The following AMZ1 variants were observed in gnomAD, a reference collection of about 807,000 sequenced individuals.
AMZ1 encodes archaelysin family metallopeptidase 1, also known as archaemetzincin-1.
Under a neutral mutation model 29.9 loss-of-function variants are expected in AMZ1, and 39 were observed. The ratio of observed to expected loss-of-function variants is 1.30; its 90% CI spans 1.01 to 1.70. AMZ1 has a LOEUF of 1.70. Ranked by LOEUF, AMZ1 falls within the 40% of genes most tolerant of loss-of-function variation. The pLI is 0.00. For missense variants in AMZ1, 1,041 were observed against 680.6 expected (o/e 1.53, Z -5.89); for synonymous variants, 458 against 304.0 (o/e 1.51, Z -5.27).
chr7:2,719,824 G>A (rs1004331991), downstream of AMZ1, among the ~76,000 whole-genome samples: 3 of 151,882 alleles, frequency 2.0e-5, no homozygotes, highest in Admixed American at 2.0e-4. Flanking sequence ...GGGATTACAG[G>A]TGCCTGCCAC....
At chr7:2,699,905 G>T (rs948455447) in intron 1 of AMZ1, among the ~76,000 whole-genome samples, 1 of 152,112 alleles carries the variant, frequency 6.6e-6, no homozygotes, top group African/African-American at 2.4e-5. Flanking sequence ...TTCTGTGGGG[G>T]CCCATGGACA....
intron 4 of AMZ1, among the ~76,000 whole-genome samples, chr7:2,736,521 G>A (rs1790185234): frequency 6.6e-6 from 1 of 152,210 alleles, no homozygotes; most frequent in South Asian, 2.1e-4. Flanking sequence ...GGGGCTGGTG[G>A]CAGTGAAAGA....
chr7:2,709,104 T>G lies in AMZ1; in HGVS notation c.631T>G (p.Ser211Ala), dbSNP rs780370603. 7 of 1,600,920 alleles carry G rather than the reference T, an allele frequency of 4.4e-6. No homozygotes were observed. Among genetic ancestry groups the G allele is most frequent in the Admixed American group, 3.4e-5 (2 of 57,994 alleles). Residue 211 changes from serine to alanine, a missense_variant, in exon 5 of 7, where the codon TCA becomes GCA. Ser to Ala is a moderately conservative substitution (Grantham distance 99). Transcript: ENST00000683327. ...GGGCGTCTGCAGCTTCGCCCGGTTCTCAGGGGAATTCCCGAAGTCGGGGCC... is the reference window on the plus strand; with the variant it reads ...GGGCGTCTGCAGCTTCGCCCGGTTCGCAGGGGAATTCCCGAAGTCGGGGCC... ...EVGVCSFARF[S>A]GEFPKSGPSA...
At chr7:2,687,713 G>GC (rs11423861), upstream of AMZ1, among the ~76,000 whole-genome samples, 151,934 of 152,038 alleles carry the variant, frequency 1, 75,916 homozygotes, top group Middle Eastern at 1. Context: ...CTGGGGCTTC[G>GC]CTGATAAGCC....
Position 2,731,406 on chromosome 7 carries a change from G to T in AMZ1, n.550+21590G>T, listed in dbSNP as rs370891210. 6.2e-7 allele frequency: 1 copy of T among 1,612,914 alleles called. No individual in the cohort carries two copies. Among genetic ancestry groups the T allele is most frequent in the South Asian group, 1.1e-5 (1 of 91,034 alleles). On this transcript the variant is annotated intron_variant and non_coding_transcript_variant, in intron 4 of 4. Coordinates refer to the AMZ1 transcript ENST00000489665. This position sits in a 1 kb window ranked among gnomAD's most constrained non-coding sequence, Gnocchi z 6.0. The stretch of plus-strand genomic sequence containing the variant: ...CCGGGAAGTGCTTCTTGATGCTCAC[G>T]GTCTTCACCTTCTCCACCAGGAGGT...
At chr7:2,758,202 T>C (rs1278909605) in intron 4 of AMZ1, among the ~76,000 whole-genome samples, 1 of 152,172 alleles carries the variant, frequency 6.6e-6, no homozygotes, top group Non-Finnish European at 1.5e-5. Flanking sequence ...CTTACAGTAT[T>C]AGAAATGAAA....
Position 2,718,104 on chromosome 7 carries a change from C to T in AMZ1, c.*5226C>T, listed in dbSNP as rs1218021462. ...CTCTCGCAAGATTAACCAGAGACGA[C>T]ACCTACCAGATTCCACCACTGAGGC... On this transcript the variant is annotated 3_prime_UTR_variant, in exon 7 of 7. Coordinates refer to ENST00000683327, the MANE Select transcript of AMZ1 (RefSeq NM_001384743.1). Among the ~76,000 whole-genome samples, 2 of 152,194 alleles carry T rather than the reference C, an allele frequency of 1.3e-5. No homozygotes were observed. Among genetic ancestry groups the T allele is most frequent in the Admixed American group, 6.5e-5 (1 of 15,288 alleles).
chr7:2,741,785 G>C (rs942166020), intron 4 of AMZ1, among the ~76,000 whole-genome samples: 2 of 151,384 alleles, frequency 1.3e-5, no homozygotes, highest in Non-Finnish European at 2.9e-5. Context: ...GAGGACACCT[G>C]CTTCTACAAC....
chr7:2,761,267 T>A (rs1791541401), upstream of AMZ1, among the ~76,000 whole-genome samples: 4 of 152,090 alleles, frequency 2.6e-5, no homozygotes, highest in African/African-American at 9.7e-5. Flanking sequence ...CCTCTGGGTC[T>A]CAGTTTCCTC....
chr7:2,745,430 G>A (rs2115343488), intron 4 of AMZ1, among the ~76,000 whole-genome samples: 1 of 152,278 alleles, frequency 6.6e-6, no homozygotes, highest in East Asian at 1.9e-4. Context: ...AGCTTCATAA[G>A]TGAAGGAGAA....
At chr7:2,724,108 G>C (rs571330068), downstream of AMZ1, among the ~76,000 whole-genome samples, 11 of 151,758 alleles carry the variant, frequency 7.2e-5, no homozygotes, top group Non-Finnish European at 1.2e-4. Context: ...GGAGTGGGGG[G>C]GCGGGTCTCA....
chr7:2,741,312 G>C (rs968850059), intron 4 of AMZ1, among the ~76,000 whole-genome samples: 1 of 152,112 alleles, frequency 6.6e-6, no homozygotes, highest in East Asian at 1.9e-4. Context: ...CCATGATTGC[G>C]CCACTGCACT....
chr7:2,709,522 C>T (rs1788612138), intron 5 of AMZ1, 118 bp from the exon 6 acceptor site: 1 of 1,446,134 alleles, frequency 6.9e-7, no homozygotes, highest in Non-Finnish European at 9.2e-7. Flanking sequence ...GCCTGGACCA[C>T]CTCCCGGCCA....
chr7:2,700,759 C>G lies in AMZ1; in HGVS notation c.304+4C>G, dbSNP rs112599565. 4 of 1,609,372 alleles carry G rather than the reference C, an allele frequency of 2.5e-6. No homozygotes were observed. Among genetic ancestry groups the G allele is most frequent in the African/African-American group, 2.7e-5 (2 of 74,826 alleles). On this transcript the variant is annotated splice_donor_region_variant and intron_variant, in intron 2 of 6. Transcript: ENST00000683327. ...CACATCTACCTACAGCCGATAGGTACGGGACGCCTGCAGCCATCGGCACGC... is the reference window on the plus strand; with the variant it reads ...CACATCTACCTACAGCCGATAGGTAGGGGACGCCTGCAGCCATCGGCACGC...
intron 2 of AMZ1, 61 bp from the exon 3 acceptor site, chr7:2,702,658 CCCG>C: frequency 6.8e-7 from 1 of 1,468,860 alleles, no homozygotes; most frequent in Non-Finnish European, 9.0e-7. Context: ...GCGAGTGATT[CCCG>C]GGGAGAGGGT....
At chr7:2,704,659 T>C (rs986242660) in intron 3 of AMZ1, among the ~76,000 whole-genome samples, 1 of 142,400 alleles carries the variant, frequency 7.0e-6, no homozygotes, top group Non-Finnish European at 1.5e-5. Flanking sequence ...TGCAGTGGCA[T>C]GATCTTGGCT....
chr7:2,692,275 T>C (rs570805740), intron 1 of AMZ1, among the ~76,000 whole-genome samples: 1 of 152,086 alleles, frequency 6.6e-6, no homozygotes, highest in South Asian at 2.1e-4. Flanking sequence ...GCGTGGTGGC[T>C]CACGCCTGTA....
chr7:2,741,760 G>A (rs1000376350), intron 4 of AMZ1, among the ~76,000 whole-genome samples: 1 of 151,730 alleles, frequency 6.6e-6, no homozygotes, highest in Non-Finnish European at 1.5e-5. Context: ...ACTTCAGAGG[G>A]TATGTCCTAA....
At chr7:2,762,897 C>CGGCGGGGAGAAGAGGCCACA, upstream of AMZ1, 1 of 1,424,040 alleles carries the variant, frequency 7.0e-7, no homozygotes, top group Non-Finnish European at 9.2e-7. Flanking sequence ...ATTGGTGCTG[C>CGGCGGGGAGAAGAGGCCACA]GGCGGGGAGA....
Sources: gnomAD v4.1 joint callset for allele counts (sites outside exome capture counted in the v4.1 genomes callset) on GRCh38, gnomAD v4.1.1 for gene constraint, Gnocchi (gnomAD v3.1) non-coding constraint, MANE v1.5 for transcripts, NCBI Gene and HGNC (gene_info 2026-07-23, HGNC 2026-07-21) for gene names.